TRPM3: variants seen among roughly 807,000 people sequenced by gnomAD.
The protein encoded by TRPM3 is long transient receptor potential channel 3.
In TRPM3, 77 loss-of-function variants were observed where a neutral mutation model predicts 181.2. The ratio of observed to expected loss-of-function variants is 0.42; its 90% CI spans 0.35 to 0.51. TRPM3 has a LOEUF of 0.51. Ranked by LOEUF, TRPM3 falls within the 20% of genes least tolerant of loss-of-function variation. The pLI is 0.01. For missense variants in TRPM3, 1,759 were observed against 2,196.7 expected (o/e 0.80, Z 3.98); for synonymous variants, 745 against 796.4 (o/e 0.94, Z 1.09).
At chr9:71,338,002 A>G (rs1475886289) in intron 1 of TRPM3, among the ~76,000 whole-genome samples, 16 of 152,016 alleles carry the variant, frequency 1.1e-4, no homozygotes, top group Non-Finnish European at 2.1e-4. Context: ...TGATGGGTGC[A>G]GCAAACCACC....
At chr9:70,829,768 G>T (rs781353461) in intron 5 of TRPM3, among the ~76,000 whole-genome samples, 3 of 152,092 alleles carry the variant, frequency 2.0e-5, no homozygotes, top group Non-Finnish European at 4.4e-5. Flanking sequence ...AGATGATTGC[G>T]TAAGAGTCCC....
chr9:71,411,889 C>T (rs547915976), intron 1 of TRPM3, among the ~76,000 whole-genome samples: 1 of 152,138 alleles, frequency 6.6e-6, no homozygotes, highest in Non-Finnish European at 1.5e-5. Flanking sequence ...GGTACTGGTA[C>T]CAGAACAGAG....
At chr9:70,546,343 A>G (rs574092311) in intron 25 of TRPM3, among the ~76,000 whole-genome samples, 2 of 152,302 alleles carry the variant, frequency 1.3e-5, no homozygotes, top group East Asian at 3.9e-4. Context: ...CAGAAACTCT[A>G]GGGGTAGGAA....
At chr9:71,366,190 T>C (rs1351033357) in intron 1 of TRPM3, among the ~76,000 whole-genome samples, 1 of 152,228 alleles carries the variant, frequency 6.6e-6, no homozygotes, top group Non-Finnish European at 1.5e-5. Flanking sequence ...TTCTTTTCTA[T>C]AGTTAAGGCC....
chr9:70,593,612 A>G (rs1033862396), intron 21 of TRPM3, among the ~76,000 whole-genome samples: 1 of 152,154 alleles, frequency 6.6e-6, no homozygotes, highest in Non-Finnish European at 1.5e-5. Flanking sequence ...CAAAGAGAAG[A>G]AACATTTTTC....
chr9:70,738,807 T>C (rs900041392), intron 8 of TRPM3, among the ~76,000 whole-genome samples: 1 of 152,144 alleles, frequency 6.6e-6, no homozygotes, highest in Non-Finnish European at 1.5e-5. Flanking sequence ...TTACGACTGA[T>C]ATCACAGAAA....
intron 1 of TRPM3, among the ~76,000 whole-genome samples, chr9:71,008,830 G>A (rs918007530): frequency 3.9e-5 from 6 of 152,252 alleles, no homozygotes; most frequent in African/African-American, 1.4e-4. Context: ...AGGCGACAGA[G>A]TGAGACTCCA....
chr9:70,831,719 G>A, intron 5 of TRPM3, among the ~76,000 whole-genome samples: 1 of 150,864 alleles, frequency 6.6e-6, no homozygotes, highest in South Asian at 2.1e-4. Flanking sequence ...TTTTATAGTT[G>A]GTAAATACAG....
At chr9:71,020,085 T>C (rs968053051) in intron 1 of TRPM3, among the ~76,000 whole-genome samples, 5 of 151,954 alleles carry the variant, frequency 3.3e-5, no homozygotes, top group Non-Finnish European at 7.4e-5. Context: ...AGCTTCTAGG[T>C]GAAAAATTAG....
chr9:71,432,323 C>CTTTTTTTTTTTT (rs67905820), intron 1 of TRPM3, among the ~76,000 whole-genome samples: 77 of 76,590 alleles, frequency 1.0e-3, no homozygotes, highest in Non-Finnish European at 1.5e-3. Context: ...AAAAGTAGGA[C>CTTTTTTTTTTTT]TTTTTTTTTT....
chr9:70,782,376 T>C (rs1192815033), intron 7 of TRPM3, among the ~76,000 whole-genome samples: 5 of 152,020 alleles, frequency 3.3e-5, no homozygotes, highest in African/African-American at 1.2e-4. Flanking sequence ...CACACCTGGC[T>C]AATTTTTGTA....
chr9:71,030,480 G>A (rs1490453724), intron 1 of TRPM3, among the ~76,000 whole-genome samples: 3 of 151,634 alleles, frequency 2.0e-5, no homozygotes, highest in Non-Finnish European at 4.4e-5. Flanking sequence ...CAGGAGAATC[G>A]CTTGAACCCG....
chr9:71,399,526 G>T (rs12377995), intron 1 of TRPM3, among the ~76,000 whole-genome samples: 9,667 of 62,024 alleles, frequency 0.16, 675 homozygotes, highest in Non-Finnish European at 0.23. Flanking sequence ...ATTTTCTTTT[G>T]TTTTTTTTTT....
chr9:71,078,455 A>G (rs751783491), intron 1 of TRPM3, among the ~76,000 whole-genome samples: 8 of 152,194 alleles, frequency 5.3e-5, no homozygotes, highest in Non-Finnish European at 1.2e-4. Flanking sequence ...AGCATTTGGA[A>G]TTAATTATTG....
chr9:71,194,738 A>C (rs2078241032), intron 1 of TRPM3, among the ~76,000 whole-genome samples: 1 of 151,972 alleles, frequency 6.6e-6, no homozygotes, highest in Admixed American at 6.6e-5. Flanking sequence ...AGCCATAAAC[A>C]ACTGGTTCCA....
chr9:71,314,103 T>TA (rs1204682863), intron 1 of TRPM3, among the ~76,000 whole-genome samples: 9 of 152,290 alleles, frequency 5.9e-5, no homozygotes, highest in Non-Finnish European at 1.2e-4. Context: ...CCATATTCTA[T>TA]AATGTTGCTG....
At chr9:70,668,672 G>GACAAAAAAAAA (rs2062278080) in intron 9 of TRPM3, among the ~76,000 whole-genome samples, 1 of 86,512 alleles carries the variant, frequency 1.2e-5, no homozygotes, top group Non-Finnish European at 2.1e-5. Flanking sequence ...CTCAAAAAAA[G>GACAAAAAAAAA]AAAAAAAAAA....
intron 1 of TRPM3, among the ~76,000 whole-genome samples, chr9:71,390,258 G>A (rs2093031522): frequency 6.6e-6 from 1 of 151,980 alleles, no homozygotes; most frequent in African/African-American, 2.4e-5. Context: ...AAGAAGAGAA[G>A]TGGGTAAGGG....
At chr9:71,260,619 G>T (rs1414150677) in intron 1 of TRPM3, among the ~76,000 whole-genome samples, 1 of 152,094 alleles carries the variant, frequency 6.6e-6, no homozygotes, top group Admixed American at 6.5e-5. Flanking sequence ...TGTATTCCAA[G>T]GTGTTTTATT....
Sources: gnomAD v4.1 joint callset for allele counts (sites outside exome capture counted in the v4.1 genomes callset) on GRCh38, gnomAD v4.1.1 for gene constraint, MANE v1.5 for transcripts, NCBI Gene and HGNC (gene_info 2026-07-23, HGNC 2026-07-21) for gene names.